The following CEP192 variants were observed in gnomAD, a reference collection of about 807,000 sequenced individuals.
CEP192 encodes the protein centrosomal protein 192, also known as centrosomal protein of 192 kDa.
Under a neutral mutation model 271.8 loss-of-function variants are expected in CEP192, and 151 were observed. The observed-to-expected ratio is 0.56, with a 90% CI of 0.49 to 0.64. The LOEUF (loss-of-function observed/expected upper bound fraction) is 0.64, where lower values mean the gene tolerates loss of function less well. CEP192 is among the 30% of genes least tolerant of loss of function. The pLI is 0.00. For missense variants in CEP192, 2,910 were observed against 3,020.5 expected (o/e 0.96, Z 0.86); for synonymous variants, 995 against 1,076.5 (o/e 0.92, Z 1.48).
At chr18:13,010,497 A>G (rs920918774) in intron 4 of CEP192, among the ~76,000 whole-genome samples, 1 of 152,200 alleles carries the variant, frequency 6.6e-6, no homozygotes, top group Non-Finnish European at 1.5e-5. Flanking sequence ...AAAAAAATAG[A>G]TGAATTGGAT....
chr18:13,078,551 A>G (rs1391269344), intron 30 of CEP192, among the ~76,000 whole-genome samples: 1 of 152,164 alleles, frequency 6.6e-6, no homozygotes, highest in Non-Finnish European at 1.5e-5. Flanking sequence ...TCCCACCAAC[A>G]GTGTAAAAGC....
chr18:13,018,710 T>C (rs1388588155), intron 8 of CEP192, 95 bp downstream of exon 8: 2 of 883,318 alleles, frequency 2.3e-6, no homozygotes, highest in Non-Finnish European at 3.3e-6. Flanking sequence ...ATTTAGCATA[T>C]ATTAACTCTT....
chr18:13,015,187 G>A, intron 5 of CEP192, 141 bp from the exon 6 acceptor site: 1 of 725,880 alleles, frequency 1.4e-6, no homozygotes. Flanking sequence ...ACAATTGCTA[G>A]CCCTTTATTG....
intron 1 of CEP192, among the ~76,000 whole-genome samples, chr18:12,996,781 A>G (rs753996480): frequency 2.6e-5 from 4 of 152,230 alleles, no homozygotes; most frequent in Admixed American, 6.5e-5. Context: ...GTTAGGCTAC[A>G]GAAGAAGGAC....
chr18:13,110,678 G>T (rs2040170174), intron 40 of CEP192, among the ~76,000 whole-genome samples: 1 of 152,208 alleles, frequency 6.6e-6, no homozygotes, highest in Non-Finnish European at 1.5e-5. Context: ...GCAGGCTGGG[G>T]AAGAAAGAAG....
chr18:13,041,778 C>G (rs1231744559), intron 14 of CEP192, among the ~76,000 whole-genome samples: 2 of 152,168 alleles, frequency 1.3e-5, no homozygotes, highest in Admixed American at 1.3e-4. Flanking sequence ...GTTGGCCAGG[C>G]TGGTCTCAAA....
chr18:13,055,254 G>C (rs1022661244), intron 18 of CEP192, among the ~76,000 whole-genome samples: 2 of 151,528 alleles, frequency 1.3e-5, no homozygotes, highest in African/African-American at 4.9e-5. Flanking sequence ...ACTCCAACCT[G>C]GGCAACAAGA....
At chr18:13,040,183 G>A (rs565181127) in intron 13 of CEP192, among the ~76,000 whole-genome samples, 70 of 152,188 alleles carry the variant, frequency 4.6e-4, no homozygotes, top group Non-Finnish European at 7.1e-4. Context: ...TGGAATTTTT[G>A]TTGTGGTATA....
At chr18:13,100,652 G>A (rs2039661966) in intron 38 of CEP192, 140 bp downstream of exon 38, 1 of 637,006 alleles carries the variant, frequency 1.6e-6, no homozygotes, top group Non-Finnish European at 2.7e-6. Flanking sequence ...TCATTTCAAT[G>A]ATGGGCTGGA....
intron 39 of CEP192, 32 bp downstream of exon 39, chr18:13,103,620 T>C (rs748182244): frequency 4.5e-5 from 67 of 1,499,794 alleles, no homozygotes; most frequent in Non-Finnish European, 5.9e-5. Flanking sequence ...TATAATCGTT[T>C]TAATGTTTAG....
intron 18 of CEP192, 146 bp downstream of exon 18, chr18:13,053,236 T>G: frequency 4.3e-5 from 28 of 644,908 alleles, no homozygotes; most frequent in Non-Finnish European, 5.6e-5. Context: ...TGTGTGCACA[T>G]ATTAAATACC....
At chr18:13,043,604 A>T (rs1273798456) in intron 15 of CEP192, among the ~76,000 whole-genome samples, 2 of 152,048 alleles carry the variant, frequency 1.3e-5, no homozygotes, top group Non-Finnish European at 2.9e-5. Flanking sequence ...TTATATTTCC[A>T]TGTGTGCTTT....
At chr18:13,112,117 C>T (rs1400396186) in intron 40 of CEP192, among the ~76,000 whole-genome samples, 1 of 152,228 alleles carries the variant, frequency 6.6e-6, no homozygotes, top group Non-Finnish European at 1.5e-5. Context: ...AGCAGTTCCA[C>T]TTCTGGATAT....
intron 9 of CEP192, among the ~76,000 whole-genome samples, chr18:13,019,729 T>C (rs1432945272): frequency 6.6e-6 from 1 of 152,168 alleles, no homozygotes. Context: ...GCTTTTTTGC[T>C]TTATTCTGTG....
At chr18:13,121,401 A>C (rs909909165) in intron 44 of CEP192, among the ~76,000 whole-genome samples, 1 of 152,214 alleles carries the variant, frequency 6.6e-6, no homozygotes, top group Non-Finnish European at 1.5e-5. Flanking sequence ...CGAAAGCTCC[A>C]GCACTAGCAC....
intron 39 of CEP192, 63 bp from the exon 40 acceptor site, chr18:13,104,921 G>A (rs1466037908): frequency 2.5e-6 from 3 of 1,180,548 alleles, no homozygotes; most frequent in Non-Finnish European, 3.8e-6. Flanking sequence ...AGGTAATAGT[G>A]TCTCTGTGGG....
At position 13,038,380 on chromosome 18, in the gene CEP192, T is replaced by C. The variant is rs998486477; in HGVS notation, c.1610T>C (p.Ile537Thr). ...TAACTTTCTCCCTAGGAAGAAAACATAGATGCTCATAATACTTCGGTTGCA... is the reference window on the plus strand; with the variant it reads ...TAACTTTCTCCCTAGGAAGAAAACACAGATGCTCATAATACTTCGGTTGCA... ...KEHQFIQEEN[I>T]DAHNTSVALG... The change falls in exon 13 of 45, where the codon ATA becomes ACA. Residue 537 changes from isoleucine to threonine, a missense_variant. Physicochemically the swap from Ile to Thr is moderately conservative, Grantham distance 89 (BLOSUM62 -1). Transcript: ENST00000506447. 28 of 1,551,152 alleles carry C rather than the reference T, an allele frequency of 1.8e-5. No homozygotes were observed. The highest frequency in any genetic ancestry group is 1.2e-4 in the African/African-American group (9 of 73,020).
At chr18:13,058,407 C>G (rs78088461) in intron 20 of CEP192, 47 of 152,446 alleles carry the variant, frequency 3.1e-4, no homozygotes, top group African/African-American at 1.1e-3. Context: ...ATGCTTCCCT[C>G]GTGCCTCTTA....
chr18:13,116,190 A>G (rs2040419789), intron 42 of CEP192, among the ~76,000 whole-genome samples, 187 bp from the exon 43 acceptor site: 1 of 152,224 alleles, frequency 6.6e-6, no homozygotes, highest in Non-Finnish European at 1.5e-5. Flanking sequence ...AGCACCCTTT[A>G]TGAGAGGATT....
Sources: allele counts gnomAD v4.1 joint callset (sites outside exome capture counted in the v4.1 genomes callset), GRCh38; gene constraint gnomAD v4.1.1; transcripts MANE v1.5; gene names NCBI Gene and HGNC (gene_info 2026-07-23, HGNC 2026-07-21).